ASPM: variants seen among roughly 807,000 people sequenced by gnomAD.
ASPM encodes the protein assembly factor for spindle microtubules.
In ASPM, 256 loss-of-function variants were observed where a neutral mutation model predicts 366.4. The ratio of observed to expected loss-of-function variants is 0.70; its 90% CI spans 0.63 to 0.77. The LOEUF is 0.77. Ranked by LOEUF, ASPM falls within the 30% of genes least tolerant of loss-of-function variation. The pLI is 0.00. For synonymous variants in ASPM, 1,414 were observed against 1,342.9 expected, an observed-to-expected ratio of 1.05 and a Z score of -1.16; for missense variants, 4,146 against 4,090.4, an observed-to-expected ratio of 1.01 and a Z score of -0.37.
intron 3 of ASPM, among the ~76,000 whole-genome samples, chr1:197,140,895 T>G (rs1404678861): frequency 6.6e-6 from 1 of 152,278 alleles, no homozygotes; most frequent in East Asian, 1.9e-4. Context: ...ATTAGAAAAG[T>G]GATAGAGAAT....
At chr1:197,098,883 C>A (rs1383763120) in intron 18 of ASPM, among the ~76,000 whole-genome samples, 1 of 151,606 alleles carries the variant, frequency 6.6e-6, no homozygotes, top group East Asian at 1.9e-4. Flanking sequence ...TCCAGACAAA[C>A]ATAGTCAACT....
At position 197,093,834 on chromosome 1, in the gene ASPM, G is replaced by C. The variant is rs1002773625; in HGVS notation, c.9084+250C>G. 2.0e-5 allele frequency among the ~76,000 whole-genome samples: 3 copies of C among 151,694 alleles called. No individual in the cohort carries two copies. The East Asian group carries it at 5.8e-4, about 29-fold the overall frequency. On this transcript the variant is annotated intron_variant, in intron 20 of 27. Coordinates refer to ENST00000367409, the MANE Select transcript of ASPM (RefSeq NM_018136.5). ...CAATATCTGCAAAGCACCATAAAGC[G>C]AAGTACAATAAAACAAGGTATGCCT...
chr1:197,129,280 CT>C lies in ASPM; in HGVS notation c.2666del (p.Lys889SerfsTer46), dbSNP rs1203089635. On this transcript the variant is annotated frameshift_variant, in exon 9 of 28. Coordinates refer to ENST00000367409, the MANE Select transcript of ASPM (RefSeq NM_018136.5). LOFTEE classifies it high-confidence loss of function. ...CAAGAAAACAGACCAACAACAATAA[CT>C]TTTTCAATGTAAACTTGGACAAAGC... ...EEALSKFTLK[K>X]LLLLVCFLDY... 1 of 1,612,888 alleles carries C rather than the reference CT, an allele frequency of 6.2e-7. No individual in the cohort carries two copies.
rs536317935 is a variant in ASPM at position 197,125,097 on chromosome 1, T to C, written c.3031A>G (p.Ile1011Val). 31 of 1,614,094 alleles carry C rather than the reference T, an allele frequency of 1.9e-5. No homozygotes were observed. The South Asian group carries it at 3.2e-4, about 17-fold the overall frequency. Residue 1011 changes from isoleucine to valine, a missense_variant, in exon 11 of 28, where the codon ATT becomes GTT. Physicochemically the swap from Ile to Val is conservative, Grantham distance 29. Coordinates refer to ENST00000367409, the MANE Select transcript of ASPM (RefSeq NM_018136.5). Reference protein sequence around the residue: ...SRLQKMHNVDIVLQVLKSRGI... With the variant: ...SRLQKMHNVDVVLQVLKSRGI... ...CGTGATTTAAGAACTTGAAGAACAA[T>C]GTCAACATTGTGCATCTTTTGAAGA...
In ASPM at chr1:197,128,690, T is replaced by C. The variant is rs199422149; in HGVS notation, c.2761-25A>G. ...CCTATAAAGAAATAAGTTCCAGATA[T>C]TATATTCCAATATTATAATTTTGCT... On this transcript the variant is annotated intron_variant, in intron 9 of 27. Coordinates refer to ENST00000367409, the MANE Select transcript of ASPM (RefSeq NM_018136.5). 8 of 1,541,002 alleles carry C rather than the reference T, an allele frequency of 5.2e-6. No homozygotes were observed. The highest frequency in any genetic ancestry group is 7.1e-6 in the Non-Finnish European group (8 of 1,123,760).
chr1:197,136,780 G>T (rs1033961453), intron 4 of ASPM, among the ~76,000 whole-genome samples: 2 of 152,052 alleles, frequency 1.3e-5, no homozygotes, highest in Non-Finnish European at 2.9e-5. Context: ...CATAAATCTG[G>T]AAACTCTATT....
rs1391948449 is a variant in ASPM at position 197,108,666 on chromosome 1, T to C, written c.4066-3481A>G. ...AACTCATCAAAGATAAATAGTCCTA[T>C]ACAAATTTAAAAAACAGAATCTGGC... On this transcript the variant is annotated intron_variant, in intron 17 of 27. Coordinates refer to ENST00000367409, the MANE Select transcript of ASPM (RefSeq NM_018136.5). 3.9e-5 allele frequency among the ~76,000 whole-genome samples: 6 copies of C among 152,064 alleles called. No individual in the cohort carries two copies. The East Asian group carries it at 7.8e-4, about 20-fold the overall frequency.
intron 20 of ASPM, 110 bp from the exon 21 acceptor site, chr1:197,093,371 C>A: frequency 1.1e-6 from 1 of 889,556 alleles, no homozygotes. Context: ...GATTTATAGT[C>A]TAAGAATGCC....
chr1:197,102,451 G>A lies in ASPM; in HGVS notation c.6800C>T (p.Thr2267Ile), dbSNP rs368581154. The stretch of plus-strand genomic sequence containing the variant: ...AGTTCTAAATCTCCTCTGAATGAGA[G>A]TTGCGGCTATATGCATCATTTTTAA... ...RHLKMMHIAA[T>I]LIQRRFRTLM... The change falls in exon 18 of 28, where the codon ACT (threonine) becomes ATT (isoleucine). Residue 2267 changes from threonine to isoleucine, a missense_variant. By Grantham distance (89) the Thr-to-Ile change is moderately conservative (BLOSUM62 -1). Coordinates refer to ENST00000367409, the MANE Select transcript of ASPM (RefSeq NM_018136.5). 2.5e-6 allele frequency: 4 copies of A among 1,612,408 alleles called. No homozygotes were observed. Among genetic ancestry groups the A allele is most frequent in the Non-Finnish European group, 3.4e-6 (4 of 1,179,160 alleles).
chr1:197,124,260 C>G lies in ASPM; in HGVS notation c.3240G>C (p.Lys1080Asn). Reference protein sequence around the residue: ...IAFLKHTKSIKKTISLLSCHS... With the variant: ...IAFLKHTKSINKTISLLSCHS... ...GGCATGATAGTAGAGATATTGTTTT[C>G]TTTATACTCTTTGTGTGTTTTAGAA... is the stretch of plus-strand genomic sequence containing the variant. The change falls in exon 13 of 28, where the codon AAG becomes AAC. Residue 1080 changes from lysine to asparagine, a missense_variant. Transcript: ENST00000367409. The G allele has an allele frequency of 1.2e-6, 2 of 1,607,566 alleles. No homozygotes were observed. Among genetic ancestry groups the G allele is most frequent in the Non-Finnish European group, 1.7e-6 (2 of 1,174,898 alleles).
intron 3 of ASPM, among the ~76,000 whole-genome samples, chr1:197,140,380 G>A (rs981760916): frequency 2.6e-5 from 4 of 152,352 alleles, no homozygotes; most frequent in African/African-American, 9.6e-5. Flanking sequence ...GAGGCTAGAA[G>A]AGGTAGGGAG....
intron 3 of ASPM, 137 bp from the exon 4 acceptor site, chr1:197,140,008 G>C: frequency 1.6e-6 from 1 of 629,070 alleles, no homozygotes. Context: ...TGTACTCCAC[G>C]CACTAATGCT....
In ASPM at chr1:197,124,198, C is replaced by G; in HGVS notation, c.3302G>C (p.Arg1101Thr). 1 of 1,612,436 alleles carries G rather than the reference C, an allele frequency of 6.2e-7. No individual in the cohort carries two copies. Among genetic ancestry groups the G allele is most frequent in the Non-Finnish European group, 8.5e-7 (1 of 1,178,912 alleles). The part of the protein sequence containing the change: ...DDLINKKKGK[R>T]DSGSFEQYSE... ...ATATTGTTCAAAGGAACCACTATCC[C>G]TTTTGCCTTTTTTCTTATTAATAAG... Residue 1101 changes from arginine to threonine, a missense_variant, in exon 13 of 28, where the codon AGG (arginine) becomes ACG (threonine). Arg to Thr is a moderately conservative substitution (Grantham distance 71). Transcript: ENST00000367409.
chr1:197,094,661 T>C (rs540252215), intron 19 of ASPM, among the ~76,000 whole-genome samples: 11 of 151,874 alleles, frequency 7.2e-5, no homozygotes, highest in African/African-American at 2.6e-4. Context: ...AATATCTAAG[T>C]AGAGATATTT....
intron 18 of ASPM, among the ~76,000 whole-genome samples, chr1:197,099,669 C>CTTTGGTT (rs1372124885): frequency 1.3e-5 from 2 of 151,638 alleles, no homozygotes; most frequent in Non-Finnish European, 3.0e-5. Context: ...TTATAACACC[C>CTTTGGTT]ACTACAGCAT....
At position 197,104,042 on chromosome 1, in the gene ASPM, C is replaced by T. The variant is rs1440991737; in HGVS notation, c.5209G>A (p.Ala1737Thr). Residue 1737 changes from alanine (A) to threonine (T), a missense_variant, in exon 18 of 28, where the codon GCA becomes ACA. Ala to Thr is a moderately conservative substitution (Grantham distance 58). Around this residue, in one of 3 missense-constraint regions of ASPM, gnomAD observed 3,624 missense variants for 3,591.7 expected, o/e 1.01. Coordinates refer to ENST00000367409, the MANE Select transcript of ASPM (RefSeq NM_018136.5). ...QMRESCIKLQAFVRGYLVRKQ... is the reference protein window; with the variant it reads ...QMRESCIKLQTFVRGYLVRKQ... ...CGGACAAGGTATCCTCTAACAAATG[C>T]TTGCAGTTTGATACAAGATTCCCGC... 1.6e-5 allele frequency: 26 copies of T among 1,612,704 alleles called. No homozygotes were observed. Among genetic ancestry groups the T allele is most frequent in the Non-Finnish European group, 2.2e-5 (26 of 1,179,424 alleles).
intron 27 of ASPM, among the ~76,000 whole-genome samples, chr1:197,086,266 G>A (rs1285886914): frequency 6.6e-6 from 1 of 151,494 alleles, no homozygotes. Context: ...AGAGGGAGAA[G>A]GGGGAAGAAA....
chr1:197,092,948 A>G, intron 21 of ASPM, 104 bp downstream of exon 21: 1 of 985,178 alleles, frequency 1.0e-6, no homozygotes, highest in East Asian at 2.5e-5. Context: ...TAATGGTCAT[A>G]TTAGTTCTGA....
chr1:197,101,373 C>T lies in ASPM; in HGVS notation c.7878G>A (p.Gln2626=), dbSNP rs757860001. ...AATGCTTCTGAATAATAATGGCAGC[C>T]TGGTGCTGTTCCTGAATCTGTTTTT... ...NIKKQIQEQH[Q]AAIIIQKHCK... The change falls in exon 18 of 28, where the codon CAG becomes CAA. Residue 2626 remains glutamine (Q), a synonymous_variant. Coordinates refer to ENST00000367409, the MANE Select transcript of ASPM (RefSeq NM_018136.5). 1.6e-5 allele frequency: 26 copies of T among 1,609,638 alleles called. No individual in the cohort carries two copies. The highest frequency in any genetic ancestry group is 6.7e-5 in the Admixed American group (4 of 59,682).
Sources: gnomAD v4.1 joint callset for allele counts (sites outside exome capture counted in the v4.1 genomes callset) on GRCh38, gnomAD v4.1.1 for gene constraint, gnomAD v4.1.1 regional missense constraint, MANE v1.5 for transcripts, NCBI Gene and HGNC (gene_info 2026-07-23, HGNC 2026-07-21) for gene names.